The following CMAS variants were observed in gnomAD, a reference collection of about 807,000 sequenced individuals.
The protein encoded by CMAS is N-acylneuraminate cytidylyltransferase.
Under a neutral mutation model 53.4 loss-of-function variants are expected in CMAS, and 21 were observed. That is an observed-to-expected ratio of 0.39 (90% CI 0.28 to 0.57). CMAS has a LOEUF of 0.57. Among genes scored for constraint, CMAS ranks in the 20% least tolerant of loss-of-function variants. The pLI, the probability that CMAS is intolerant of heterozygous loss-of-function variation, is 0.56. For missense variants in CMAS, 384 were observed against 534.9 expected (o/e 0.72, Z 2.78); for synonymous variants, 189 against 195.2 (o/e 0.97, Z 0.27).
At chr12:22,062,480 A>ATTAT (rs978799089) in intron 7 of CMAS, 46 bp downstream of exon 7, 5 of 1,326,516 alleles carry the variant, frequency 3.8e-6, no homozygotes, top group Non-Finnish European at 4.1e-6. Context: ...CCAGGAATTA[A>ATTAT]TTATTTACTT....
chr12:22,046,839 T>C (rs1324283941), intron 1 of CMAS, among the ~76,000 whole-genome samples: 1 of 152,086 alleles, frequency 6.6e-6, no homozygotes, highest in Admixed American at 6.5e-5. Flanking sequence ...AGATTACACC[T>C]CCCCAACCGT....
chr12:22,053,608 G>A (rs1206194334), intron 1 of CMAS, among the ~76,000 whole-genome samples: 3 of 151,268 alleles, frequency 2.0e-5, no homozygotes, highest in East Asian at 2.0e-4. Context: ...GGCCGGGCAC[G>A]GTGGCTCACG....
chr12:22,046,745 G>C (rs1366233054), intron 1 of CMAS, among the ~76,000 whole-genome samples, 182 bp downstream of exon 1: 1 of 152,192 alleles, frequency 6.6e-6, no homozygotes, highest in Non-Finnish European at 1.5e-5. Context: ...AAGGGCTCCA[G>C]CTCCTTCCTT....
At chr12:22,062,635 A>C (rs1950316428) in intron 7 of CMAS, among the ~76,000 whole-genome samples, 1 of 152,164 alleles carries the variant, frequency 6.6e-6, no homozygotes, top group Non-Finnish European at 1.5e-5. Flanking sequence ...TCAAATGTAG[A>C]ATGATTATTA....
chr12:22,055,344 T>C, intron 2 of CMAS, 53 bp downstream of exon 2: 1 of 1,490,566 alleles, frequency 6.7e-7, no homozygotes, highest in Non-Finnish European at 9.1e-7. Context: ...TTCTACTTCC[T>C]TTATTATCTT....
In CMAS at chr12:22,055,630, T is replaced by C; in HGVS notation, c.559+20T>C. On this transcript the variant is annotated intron_variant, in intron 3 of 7. Coordinates refer to ENST00000229329, the MANE Select transcript of CMAS (RefSeq NM_018686.6). ...AAGGAGGTAATCTCTTTTCAGTCTT[T>C]ATTTTAGCTGATTTTATTGAGAATC... 6.3e-7 allele frequency: 1 copy of C among 1,598,760 alleles called. No homozygotes were observed. Among genetic ancestry groups the C allele is most frequent in the Non-Finnish European group, 8.5e-7 (1 of 1,175,544 alleles).
At chr12:22,063,218 C>T (rs545838614) in intron 7 of CMAS, among the ~76,000 whole-genome samples, 1 of 152,162 alleles carries the variant, frequency 6.6e-6, no homozygotes, top group African/African-American at 2.4e-5. Context: ...TGTATGAAAG[C>T]AGTATTTACA....
At chr12:22,051,866 T>C (rs1022967522) in intron 1 of CMAS, among the ~76,000 whole-genome samples, 2 of 51,026 alleles carry the variant, frequency 3.9e-5, no homozygotes, top group African/African-American at 1.0e-4. Context: ...GTATTTTGAA[T>C]AGCTAACATT....
At chr12:22,061,642 AAAT>A (rs1368152124) in intron 6 of CMAS, among the ~76,000 whole-genome samples, 190 bp downstream of exon 6, 1 of 152,176 alleles carries the variant, frequency 6.6e-6, no homozygotes, top group African/African-American at 2.4e-5. Flanking sequence ...GTTAATCAGC[AAAT>A]AATATTTCTT....
At chr12:22,053,920 G>A (rs1157256175) in intron 1 of CMAS, among the ~76,000 whole-genome samples, 1 of 147,784 alleles carries the variant, frequency 6.8e-6, no homozygotes, top group Non-Finnish European at 1.5e-5. Flanking sequence ...GCAGGGTTTT[G>A]TTGTTGTTTT....
intron 3 of CMAS, among the ~76,000 whole-genome samples, chr12:22,057,618 C>T (rs1031226320): frequency 4.0e-5 from 6 of 151,878 alleles, no homozygotes; most frequent in Non-Finnish European, 8.8e-5. Context: ...GATTAAAGGG[C>T]CCAAATATTA....
At chr12:22,063,469 TTTTC>T (rs1432858432) in intron 7 of CMAS, among the ~76,000 whole-genome samples, 3 of 152,130 alleles carry the variant, frequency 2.0e-5, no homozygotes, top group African/African-American at 7.2e-5. Flanking sequence ...TATACCTTAG[TTTTC>T]TACTTAGAAT....
intron 4 of CMAS, among the ~76,000 whole-genome samples, chr12:22,060,335 A>T (rs1443324437): frequency 5.9e-4 from 13 of 22,094 alleles, no homozygotes; most frequent in Non-Finnish European, 1.4e-3. Flanking sequence ...TTTCTCCTTA[A>T]AAAAAAAAAA....
At chr12:22,047,581 A>G (rs1565528325) in intron 1 of CMAS, among the ~76,000 whole-genome samples, 1 of 152,190 alleles carries the variant, frequency 6.6e-6, no homozygotes, top group Non-Finnish European at 1.5e-5. Context: ...AAGTATAAAT[A>G]TACTAATTTT....
intron 1 of CMAS, among the ~76,000 whole-genome samples, chr12:22,053,875 T>A (rs1452600575): frequency 7.0e-6 from 1 of 142,996 alleles, no homozygotes; most frequent in African/African-American, 2.7e-5. Context: ...CGAGACTCCG[T>A]CTCAAAACAA....
At chr12:22,059,130 A>ATGAATCTTTT (rs1416073352) in intron 4 of CMAS, among the ~76,000 whole-genome samples, 1 of 118,022 alleles carries the variant, frequency 8.5e-6, no homozygotes, top group Non-Finnish European at 1.7e-5. Context: ...GAATCTTTTT[A>ATGAATCTTTT]TATATATATA....
chr12:22,063,042 T>A (rs951680681), intron 7 of CMAS, among the ~76,000 whole-genome samples: 4 of 152,244 alleles, frequency 2.6e-5, no homozygotes, highest in Non-Finnish European at 5.9e-5. Context: ...ACAATGTTTT[T>A]CACTTGGATA....
At chr12:22,064,347 A>C (rs183667974) in intron 7 of CMAS, among the ~76,000 whole-genome samples, 30 of 152,256 alleles carry the variant, frequency 2.0e-4, no homozygotes, top group Admixed American at 1.3e-3. Context: ...ATCTATTTTT[A>C]TTCTTTAAAA....
At chr12:22,055,852 T>C (rs1468444370) in intron 3 of CMAS, among the ~76,000 whole-genome samples, 2 of 152,238 alleles carry the variant, frequency 1.3e-5, no homozygotes, top group Non-Finnish European at 2.9e-5. Context: ...CTCTTATTTC[T>C]GTTTGCCTTT....
Sources: allele counts gnomAD v4.1 joint callset (sites outside exome capture counted in the v4.1 genomes callset), GRCh38; gene constraint gnomAD v4.1.1; transcripts MANE v1.5; gene names NCBI Gene and HGNC (gene_info 2026-07-23, HGNC 2026-07-21).